The following SELENOF variants were observed in gnomAD, a reference collection of about 807,000 sequenced individuals.
SELENOF encodes selenoprotein F.
In SELENOF, 16 loss-of-function variants were observed where a neutral mutation model predicts 20.5. That is an observed-to-expected ratio of 0.78 (90% CI 0.53 to 1.19). SELENOF has a LOEUF of 1.19. Ranked by LOEUF, SELENOF falls within the 50% of genes most tolerant of loss-of-function variation. The pLI is 0.00. For missense variants in SELENOF, 215 were observed against 194.2 expected (o/e 1.11, Z -0.64); for synonymous variants, 78 against 74.5 (o/e 1.05, Z -0.24).
intron 2 of SELENOF, among the ~76,000 whole-genome samples, chr1:86,881,701 G>A (rs12728581): frequency 6.6e-6 from 1 of 152,088 alleles, no homozygotes; most frequent in African/African-American, 2.4e-5. Flanking sequence ...ATACAGAAAG[G>A]CATAAAGTAG....
At chr1:86,876,425 G>C (rs1174379255) in intron 3 of SELENOF, among the ~76,000 whole-genome samples, 1 of 152,166 alleles carries the variant, frequency 6.6e-6, no homozygotes, top group Admixed American at 6.5e-5. Flanking sequence ...CAGTCTGTAG[G>C]ACTGTAAGAA....
At chr1:86,882,707 T>G (rs1029259497) in intron 2 of SELENOF, among the ~76,000 whole-genome samples, 2 of 152,212 alleles carry the variant, frequency 1.3e-5, no homozygotes, top group Admixed American at 6.5e-5. Context: ...TATACACCCA[T>G]GTTCACAGCA....
At chr1:86,890,370 T>C (rs912182039) in intron 2 of SELENOF, among the ~76,000 whole-genome samples, 2 of 152,212 alleles carry the variant, frequency 1.3e-5, no homozygotes, top group African/African-American at 4.8e-5. Context: ...TTATAGCACA[T>C]ATCTCATTGA....
chr1:86,870,376 G>C (rs1401485889), intron 3 of SELENOF, among the ~76,000 whole-genome samples: 1 of 152,100 alleles, frequency 6.6e-6, no homozygotes, highest in East Asian at 1.9e-4. Context: ...GATTTTTCCA[G>C]ATATTCTGCA....
chr1:86,900,300 T>C (rs1378267922), intron 2 of SELENOF, among the ~76,000 whole-genome samples: 1 of 151,964 alleles, frequency 6.6e-6, no homozygotes, highest in African/African-American at 2.4e-5. Context: ...TGGGCACCAT[T>C]GAGCACTGAG....
intron 2 of SELENOF, among the ~76,000 whole-genome samples, chr1:86,891,232 A>G (rs1054264941): frequency 4.6e-5 from 7 of 151,744 alleles, no homozygotes; most frequent in Admixed American, 1.3e-4. Context: ...TATTTTTAGT[A>G]GAGATGGGGT....
chr1:86,901,916 CTGT>C (rs1049205430), intron 2 of SELENOF, among the ~76,000 whole-genome samples: 40 of 152,272 alleles, frequency 2.6e-4, no homozygotes, highest in Non-Finnish European at 5.0e-4. Flanking sequence ...GTGGTAAACA[CTGT>C]TTATTATAAA....
chr1:86,866,010 C>T lies in SELENOF; in HGVS notation c.366+2043G>A, dbSNP rs139546784. ...AGGAATACAAGACCAGCTTAGGCAA[C>T]ATAGCAAGACCCTATCTCTATAAAA... On this transcript the variant is annotated intron_variant, in intron 4 of 4. Coordinates refer to ENST00000331835, the MANE Select transcript of SELENOF (RefSeq NM_004261.5). 5.3e-3 allele frequency among the ~76,000 whole-genome samples: 810 copies of T among 151,814 alleles called. 10 individuals are homozygous for T. Among genetic ancestry groups the T allele is most frequent in the African/African-American group, 0.019 (768 of 41,388 alleles).
intron 2 of SELENOF, among the ~76,000 whole-genome samples, chr1:86,897,803 A>G (rs1483177943): frequency 3.3e-5 from 5 of 152,236 alleles, no homozygotes; most frequent in Admixed American, 3.3e-4. Context: ...AGCAAAAAAG[A>G]GGCTGCAAGA....
intron 2 of SELENOF, among the ~76,000 whole-genome samples, chr1:86,892,179 C>G (rs957479142): frequency 6.6e-6 from 1 of 152,000 alleles, no homozygotes; most frequent in Non-Finnish European, 1.5e-5. Context: ...TGATCCACCC[C>G]CCCGGCACGT....
At chr1:86,911,688 G>C (rs1659988356) in intron 1 of SELENOF, among the ~76,000 whole-genome samples, 1 of 152,136 alleles carries the variant, frequency 6.6e-6, no homozygotes, top group African/African-American at 2.4e-5. Flanking sequence ...ACTAACTGTG[G>C]AAACAAAATT....
At chr1:86,886,809 T>C (rs1158769347) in intron 2 of SELENOF, among the ~76,000 whole-genome samples, 1 of 152,122 alleles carries the variant, frequency 6.6e-6, no homozygotes. Context: ...TTAAATAAAA[T>C]GAAGGGATTT....
intron 1 of SELENOF, among the ~76,000 whole-genome samples, chr1:86,912,636 G>C (rs536263508): frequency 6.6e-6 from 1 of 152,274 alleles, no homozygotes; most frequent in South Asian, 2.1e-4. Context: ...AAAGAAGTTG[G>C]TCTAGCCGAC....
chr1:86,894,311 G>A (rs1020719952), intron 2 of SELENOF, among the ~76,000 whole-genome samples: 11 of 151,776 alleles, frequency 7.2e-5, no homozygotes, highest in Admixed American at 2.0e-4. Flanking sequence ...AAATAATTGC[G>A]ATTTGTTTGA....
intron 2 of SELENOF, among the ~76,000 whole-genome samples, chr1:86,883,572 G>A (rs1459010461): frequency 6.6e-6 from 1 of 151,914 alleles, no homozygotes; most frequent in Non-Finnish European, 1.5e-5. Context: ...ATAATTAAAA[G>A]CATATAAGGC....
At chr1:86,870,211 G>A (rs908030811) in intron 3 of SELENOF, among the ~76,000 whole-genome samples, 1 of 152,150 alleles carries the variant, frequency 6.6e-6, no homozygotes, top group Non-Finnish European at 1.5e-5. Context: ...GAATTAGATA[G>A]CAATAGCACT....
chr1:86,866,020 C>T (rs1658580196), intron 4 of SELENOF, among the ~76,000 whole-genome samples: 1 of 151,442 alleles, frequency 6.6e-6, no homozygotes, highest in African/African-American at 2.4e-5. Context: ...CATAGCAAGA[C>T]CCTATCTCTA....
intron 3 of SELENOF, among the ~76,000 whole-genome samples, chr1:86,870,687 G>C (rs1161482059): frequency 6.6e-6 from 1 of 151,784 alleles, no homozygotes; most frequent in East Asian, 1.9e-4. Context: ...GCGCGATCTC[G>C]GCGCACTGCA....
chr1:86,890,395 A>T (rs567025377), intron 2 of SELENOF, among the ~76,000 whole-genome samples: 1 of 152,354 alleles, frequency 6.6e-6, no homozygotes, highest in Non-Finnish European at 1.5e-5. Flanking sequence ...TTTTAAAAAA[A>T]TCAATGCATG....
Sources: gnomAD v4.1 joint callset for allele counts (sites outside exome capture counted in the v4.1 genomes callset) on GRCh38, gnomAD v4.1.1 for gene constraint, MANE v1.5 for transcripts, NCBI Gene and HGNC (gene_info 2026-07-23, HGNC 2026-07-21) for gene names.